Variants in INPP5D observed in about 807,000 individuals in gnomAD.
INPP5D encodes phosphatidylinositol 3,4,5-trisphosphate 5-phosphatase 1.
A neutral mutation model predicts 122.9 loss-of-function variants in INPP5D; 33 were observed. The observed-to-expected ratio is 0.27, with a 90% confidence interval of 0.20 to 0.36. The LOEUF is 0.36. INPP5D is among the 10% of genes least tolerant of loss of function. The pLI, the probability that INPP5D is intolerant of heterozygous loss-of-function variation, is 1.00. For missense variants in INPP5D, 1,053 were observed against 1,412.7 expected (o/e 0.75, Z 4.08); for synonymous variants, 584 against 576.2 (o/e 1.01, Z -0.19).
At chr2:233,133,872 G>A (rs1345315939) in intron 5 of INPP5D, 1 of 425,720 alleles carries the variant, frequency 2.3e-6, no homozygotes, top group Non-Finnish European at 4.8e-6. Flanking sequence ...GCTAGCAGGG[G>A]CAGGGGTCTG....
chr2:233,114,129 C>T lies in INPP5D; in HGVS notation c.199-7978C>T, dbSNP rs376657890. Among the ~76,000 whole-genome samples, 15 of 152,242 alleles carry T rather than the reference C, an allele frequency of 9.9e-5. No homozygotes were observed. The East Asian group carries it at 1.5e-3, about 16-fold the overall frequency. ...TTCACTGTGTTAGCCAGGATGGTCT[C>T]GATCTCCTGACCTTGTGATCTGCCC... On this transcript the variant is annotated intron_variant, in intron 2 of 26. Transcript: ENST00000445964.
chr2:233,071,023 C>A (rs1326667569), intron 1 of INPP5D, among the ~76,000 whole-genome samples: 2 of 152,004 alleles, frequency 1.3e-5, no homozygotes, highest in Non-Finnish European at 2.9e-5. Flanking sequence ...CCTGTAATTG[C>A]AGCACTTTGG....
chr2:233,154,112 CAG>C (rs1313391399), intron 9 of INPP5D, among the ~76,000 whole-genome samples: 5 of 152,082 alleles, frequency 3.3e-5, no homozygotes, highest in African/African-American at 1.2e-4. Flanking sequence ...GGACAGGAAA[CAG>C]GGGACACAAA....
At chr2:233,163,529 C>T (rs887787035) in intron 11 of INPP5D, among the ~76,000 whole-genome samples, 178 bp from the exon 12 acceptor site, 35 of 152,164 alleles carry the variant, frequency 2.3e-4, no homozygotes, top group Admixed American at 2.2e-3. Flanking sequence ...TAGCCCTAAC[C>T]GACATCCTGG....
intron 9 of INPP5D, among the ~76,000 whole-genome samples, chr2:233,154,858 A>G (rs1001031578): frequency 1.3e-5 from 2 of 152,158 alleles, no homozygotes; most frequent in African/African-American, 4.8e-5. Flanking sequence ...CCTAGGCAAA[A>G]CTTCTGATGG....
At chr2:233,120,842 C>G (rs1342084918) in intron 2 of INPP5D, 1 of 152,178 alleles carries the variant, frequency 6.6e-6, no homozygotes, top group African/African-American at 2.4e-5. Flanking sequence ...AGGTCCTCTG[C>G]TATCAGCAAC....
In INPP5D at chr2:233,108,802, T is replaced by C. The variant is rs182255204; in HGVS notation, c.199-13305T>C. ...TTTGCCAGGTCCTAATGTGCAGGTG[T>C]CTGACAGGCACTTACCCCGGTACCG... is the stretch of plus-strand genomic sequence containing the variant. On this transcript the variant is annotated intron_variant, in intron 2 of 26. Coordinates refer to ENST00000445964, the MANE Select transcript of INPP5D (RefSeq NM_001017915.3). Among the ~76,000 whole-genome samples the C allele has an allele frequency of 2.5e-3, 379 of 152,316 alleles. 3 individuals carry two copies. The highest frequency in any genetic ancestry group is 4.1e-3 in the South Asian group (20 of 4,824).
chr2:233,134,860 A>G (rs776588395), intron 5 of INPP5D, among the ~76,000 whole-genome samples: 2 of 152,264 alleles, frequency 1.3e-5, no homozygotes, highest in Non-Finnish European at 2.9e-5. Context: ...ATTGGAGGCC[A>G]TAAAATAAGC....
At chr2:233,142,440 G>A (rs987780107) in intron 6 of INPP5D, among the ~76,000 whole-genome samples, 7 of 152,128 alleles carry the variant, frequency 4.6e-5, no homozygotes, top group Non-Finnish European at 8.8e-5. Flanking sequence ...ATCTCTGCAG[G>A]GTTTGGTTAA....
At position 233,183,452 on chromosome 2, in the gene INPP5D, C is replaced by G. The variant is rs996882463; in HGVS notation, c.2161+953C>G. 1.3e-5 allele frequency among the ~76,000 whole-genome samples: 2 copies of G among 152,208 alleles called. No homozygotes were observed. The highest frequency in any genetic ancestry group is 6.5e-5 in the Admixed American group (1 of 15,280). On this transcript the variant is annotated intron_variant, in intron 19 of 26. Coordinates refer to ENST00000445964, the MANE Select transcript of INPP5D (RefSeq NM_001017915.3). This position sits in a 1 kb window ranked among gnomAD's most constrained non-coding sequence, Gnocchi z 4.6. ...CCTCCTCCACCCAAGCCTTGACCCA[C>G]CATCGTGTCTCCTTCCTAAGTCTGG... is the stretch of plus-strand genomic sequence containing the variant.
At chr2:233,155,840 G>C (rs1559323352) in intron 9 of INPP5D, among the ~76,000 whole-genome samples, 1 of 151,964 alleles carries the variant, frequency 6.6e-6, no homozygotes, top group Non-Finnish European at 1.5e-5. Flanking sequence ...CACAACCCTG[G>C]AAAGTCTCAC....
chr2:233,179,336 C>T (rs1694726797), intron 18 of INPP5D, among the ~76,000 whole-genome samples: 1 of 152,270 alleles, frequency 6.6e-6, no homozygotes, highest in Admixed American at 6.5e-5. Flanking sequence ...CTTCCCACAT[C>T]CTGCAGCTCC....
Position 233,160,526 on chromosome 2 carries a change from G to T in INPP5D, c.1138-1198G>T, listed in dbSNP as rs935538975. 6.6e-6 allele frequency among the ~76,000 whole-genome samples: 1 copy of T among 152,180 alleles called. No homozygotes were observed. The highest frequency in any genetic ancestry group is 1.5e-5 in the Non-Finnish European group (1 of 68,030). On this transcript the variant is annotated intron_variant, in intron 10 of 26. Coordinates refer to ENST00000445964, the MANE Select transcript of INPP5D (RefSeq NM_001017915.3). This position sits in a 1 kb window ranked among gnomAD's most constrained non-coding sequence, Gnocchi z 4.2. ...ACGTGGCAAACACAAACAAGCAAAT[G>T]TTTAAAATAAAAACACTCGTATACC...
intron 2 of INPP5D, among the ~76,000 whole-genome samples, chr2:233,095,660 G>T (rs993201138): frequency 1.4e-5 from 2 of 146,336 alleles, no homozygotes; most frequent in African/African-American, 5.0e-5. Context: ...CTGGGCTCAA[G>T]CAATCCTCCC....
At chr2:233,127,630 C>T (rs1027328848) in intron 4 of INPP5D, among the ~76,000 whole-genome samples, 19 of 152,242 alleles carry the variant, frequency 1.2e-4, no homozygotes, top group Non-Finnish European at 2.5e-4. Context: ...ATTTTTGAGA[C>T]GGAGTTTTGC....
chr2:233,080,834 T>C (rs80176476), intron 2 of INPP5D, among the ~76,000 whole-genome samples: 4,433 of 152,236 alleles, frequency 0.029, 88 homozygotes, highest in Middle Eastern at 0.072. Flanking sequence ...AGACAGCTTA[T>C]GAGGATGGAA....
At position 233,170,093 on chromosome 2, in the gene INPP5D, A is replaced by G; in HGVS notation, c.1720A>G (p.Asn574Asp). Reference sequence around the variant, plus strand: ...GGGCGACAAGAAGCTGAGTCCCTTTAACATCACTCACCGCTTCACGCACCT... The same window carrying G: ...GGGCGACAAGAAGCTGAGTCCCTTTGACATCACTCACCGCTTCACGCACCT... ...ALGDKKLSPF[N>D]ITHRFTHLFW... Residue 574 changes from asparagine to aspartate, a missense_variant, in exon 15 of 27, where the codon AAC becomes GAC. By Grantham distance (23) the Asn-to-Asp change is conservative. This residue lies in a region of INPP5D where 258 missense variants were observed against 439.1 expected (regional missense o/e 0.59). Transcript: ENST00000445964. The surrounding 1 kb of genome is among the most constrained non-coding windows in gnomAD (Gnocchi z 4.5). 6.2e-7 allele frequency: 1 copy of G among 1,613,994 alleles called. No homozygotes were observed. The highest frequency in any genetic ancestry group is 8.5e-7 in the Non-Finnish European group (1 of 1,179,886).
chr2:233,158,618 A>G (rs1694118363), intron 10 of INPP5D, among the ~76,000 whole-genome samples, 199 bp downstream of exon 10: 1 of 152,128 alleles, frequency 6.6e-6, no homozygotes, highest in African/African-American at 2.4e-5. Flanking sequence ...TCACTGTCTC[A>G]GGAGTAGGGA....
chr2:233,182,390 A>G lies in INPP5D; in HGVS notation c.2072-20A>G, dbSNP rs780426674. ...AGGGCTTCTCCTTCCCTGCTTAAAA[A>G]TGCCTTCCCTCCCCTGCAGGCAGTA... is the stretch of plus-strand genomic sequence containing the variant. On this transcript the variant is annotated intron_variant, in intron 18 of 26. Coordinates refer to ENST00000445964, the MANE Select transcript of INPP5D (RefSeq NM_001017915.3). 2.5e-6 allele frequency: 4 copies of G among 1,612,848 alleles called. No homozygotes were observed. In the African/African-American group the frequency reaches 5.3e-5, roughly 22 times the overall value.
Sources: gnomAD v4.1 joint callset for allele counts (sites outside exome capture counted in the v4.1 genomes callset) on GRCh38, gnomAD v4.1.1 for gene constraint, gnomAD v4.1.1 regional missense constraint, Gnocchi (gnomAD v3.1) non-coding constraint, MANE v1.5 for transcripts, NCBI Gene and HGNC (gene_info 2026-07-23, HGNC 2026-07-21) for gene names.